Variants in APCDD1 observed in about 807,000 individuals in gnomAD.
APCDD1 encodes the protein protein APCDD1.
APCDD1 carries 15 observed loss-of-function variants against 38.1 expected under a neutral mutation model. That is an observed-to-expected ratio of 0.39 (90% CI 0.26 to 0.61). The LOEUF (loss-of-function observed/expected upper bound fraction) is 0.61, where lower values mean the gene tolerates loss of function less well. Ranked by LOEUF, APCDD1 falls within the 20% of genes least tolerant of loss-of-function variation. APCDD1 has a pLI of 0.49. For synonymous variants in APCDD1, 261 were observed against 279.7 expected, an observed-to-expected ratio of 0.93 and a Z score of 0.67; for missense variants, 647 against 696.2, an observed-to-expected ratio of 0.93 and a Z score of 0.79.
intron 1 of APCDD1, among the ~76,000 whole-genome samples, chr18:10,464,789 C>T (rs1163080503): frequency 6.6e-6 from 1 of 152,204 alleles, no homozygotes; most frequent in Non-Finnish European, 1.5e-5. Flanking sequence ...CTTTGGGCCT[C>T]ACTCTCTTCT....
rs2030322369 is a variant in APCDD1 at position 10,454,782 on chromosome 18, C to G, written c.-200C>G. 2 of 980,442 alleles carry G rather than the reference C, an allele frequency of 2.0e-6. No individual in the cohort carries two copies. The highest frequency in any genetic ancestry group is 2.4e-6 in the Non-Finnish European group (2 of 828,200). 60.7% of individuals were successfully genotyped at this position (980,442 alleles called of 1,614,324 possible). On this transcript the variant is annotated 5_prime_UTR_variant, in exon 1 of 5. Transcript: ENST00000355285. ...GACGCGGACCGGGCCGGGGCGCCCA[C>G]AGCCGCCCGACGGCGCCCAGAGAGC...
chr18:10,475,492 C>T lies in APCDD1; in HGVS notation c.774+3431C>T, dbSNP rs915470671. ...AATAATGAAAGGAGAAGAAGAGGGA[C>T]TCTTTGCAAAGGAATCAGATATTTA... On this transcript the variant is annotated intron_variant, in intron 3 of 4. Transcript: ENST00000355285. The surrounding 1 kb of genome is among the most constrained non-coding windows in gnomAD (Gnocchi z 4.0). Among the ~76,000 whole-genome samples, 11 of 152,148 alleles carry T rather than the reference C, an allele frequency of 7.2e-5. No individual in the cohort carries two copies. Among genetic ancestry groups the T allele is most frequent in the African/African-American group, 2.7e-4 (11 of 41,442 alleles).
chr18:10,475,602 G>T lies in APCDD1; in HGVS notation c.774+3541G>T, dbSNP rs1040764921. ...GACAGAGACTTCACTTTTGGTACCTGTTGCATTTTGTGCTGTGATCTTCTA... is the reference window on the plus strand; with the variant it reads ...GACAGAGACTTCACTTTTGGTACCTTTTGCATTTTGTGCTGTGATCTTCTA... On this transcript the variant is annotated intron_variant, in intron 3 of 4. Coordinates refer to ENST00000355285, the MANE Select transcript of APCDD1 (RefSeq NM_153000.5). The surrounding 1 kb of genome is among the most constrained non-coding windows in gnomAD (Gnocchi z 4.0). 5.3e-5 allele frequency among the ~76,000 whole-genome samples: 8 copies of T among 151,680 alleles called. No individual in the cohort carries two copies. The highest frequency in any genetic ancestry group is 1.7e-4 in the African/African-American group (7 of 41,226).
intron 1 of APCDD1, among the ~76,000 whole-genome samples, chr18:10,466,360 C>T (rs182911040): frequency 3.3e-5 from 5 of 152,274 alleles, no homozygotes; most frequent in East Asian, 1.9e-4. Context: ...GGGATTAAAA[C>T]GTTAGTGTAG....
chr18:10,461,116 G>A (rs929563790), intron 1 of APCDD1, among the ~76,000 whole-genome samples: 1 of 152,046 alleles, frequency 6.6e-6, no homozygotes, highest in African/African-American at 2.4e-5. Flanking sequence ...CAGTCATTTA[G>A]GATTACTATC....
At chr18:10,464,457 C>G (rs541482725) in intron 1 of APCDD1, among the ~76,000 whole-genome samples, 1 of 152,348 alleles carries the variant, frequency 6.6e-6, no homozygotes, top group South Asian at 2.1e-4. Context: ...GGGTCTCACT[C>G]TGTCACCCAG....
At chr18:10,458,492 A>T (rs2030439578) in intron 1 of APCDD1, among the ~76,000 whole-genome samples, 1 of 152,204 alleles carries the variant, frequency 6.6e-6, no homozygotes, top group African/African-American at 2.4e-5. Context: ...TCTTAGTCAT[A>T]AAAAGAAAAT....
chr18:10,483,173 A>G lies in APCDD1; in HGVS notation c.775-2289A>G, dbSNP rs531330270. ...GCGGCCGGGGCTGGCCTTGGCCCCC[A>G]GGAACTGGCCGGAGACATCTTTCCG... is the stretch of plus-strand genomic sequence containing the variant. On this transcript the variant is annotated intron_variant, in intron 3 of 4. Transcript: ENST00000355285. 2.6e-5 allele frequency among the ~76,000 whole-genome samples: 4 copies of G among 152,346 alleles called. No homozygotes were observed. The South Asian group carries it at 8.3e-4, about 32-fold the overall frequency.
In APCDD1 at chr18:10,487,598, A is replaced by G. The variant is rs2031275209; in HGVS notation, c.1105A>G (p.Met369Val). Residue 369 changes from methionine to valine, a missense_variant, in exon 5 of 5, where the codon ATG becomes GTG. Transcript: ENST00000355285. ...TCCTTTCTCCTTTGCAGTGAATCAC[A>G]TGAAGGTCACCCCCATGGATGCGGC... ...GTEFVFKVNHMKVTPMDAATA... is the reference protein window; with the variant it reads ...GTEFVFKVNHVKVTPMDAATA... The G allele has an allele frequency of 1.2e-6, 2 of 1,613,956 alleles. No individual in the cohort carries two copies. The highest frequency in any genetic ancestry group is 1.7e-5 in the Admixed American group (1 of 60,008).
chr18:10,481,842 AAC>A (rs1339708438), intron 3 of APCDD1, among the ~76,000 whole-genome samples: 1 of 151,964 alleles, frequency 6.6e-6, no homozygotes, highest in Non-Finnish European at 1.5e-5. Flanking sequence ...AACAAACAAA[AAC>A]ACAAAAACCG....
intron 3 of APCDD1, among the ~76,000 whole-genome samples, chr18:10,482,249 G>A (rs181361135): frequency 3.9e-5 from 6 of 152,184 alleles, no homozygotes; most frequent in Admixed American, 1.3e-4. Flanking sequence ...TCCTTAGAAT[G>A]ACCAGAAATG....
chr18:10,483,002 A>C (rs2031173695), intron 3 of APCDD1, among the ~76,000 whole-genome samples: 2 of 152,224 alleles, frequency 1.3e-5, no homozygotes, highest in African/African-American at 4.8e-5. Context: ...GTTCACACCA[A>C]GTGGGTGCAC....
intron 3 of APCDD1, among the ~76,000 whole-genome samples, chr18:10,482,383 G>A (rs531763978): frequency 9.2e-5 from 14 of 152,340 alleles, no homozygotes; most frequent in Admixed American, 2.0e-4. Flanking sequence ...TAGGCTTTGG[G>A]GACCTGCCCA....
chr18:10,464,276 A>G (rs2030645608), intron 1 of APCDD1, among the ~76,000 whole-genome samples: 1 of 150,748 alleles, frequency 6.6e-6, no homozygotes, highest in African/African-American at 2.4e-5. Flanking sequence ...GTTCTTTGAC[A>G]TCCAGGCCAG....
At chr18:10,483,172 CA>C (rs1211716723) in intron 3 of APCDD1, among the ~76,000 whole-genome samples, 1 of 152,240 alleles carries the variant, frequency 6.6e-6, no homozygotes, top group Non-Finnish European at 1.5e-5. Flanking sequence ...CCTTGGCCCC[CA>C]GGAACTGGCC....
At chr18:10,480,650 T>C (rs2031112199) in intron 3 of APCDD1, among the ~76,000 whole-genome samples, 1 of 151,842 alleles carries the variant, frequency 6.6e-6, no homozygotes, top group South Asian at 2.1e-4. Flanking sequence ...TGCCCTGAGC[T>C]CAGAAGTTTG....
intron 1 of APCDD1, among the ~76,000 whole-genome samples, chr18:10,459,984 A>G (rs575936945): frequency 6.6e-6 from 1 of 152,350 alleles, no homozygotes; most frequent in Non-Finnish European, 1.5e-5. Flanking sequence ...TTTTGACATT[A>G]TACTTAGTCC....
At chr18:10,460,338 C>A (rs960323194) in intron 1 of APCDD1, among the ~76,000 whole-genome samples, 5 of 152,218 alleles carry the variant, frequency 3.3e-5, no homozygotes, top group African/African-American at 9.6e-5. Flanking sequence ...CCAGCCTGGC[C>A]AACGCGGCGA....
rs959166779 is a variant in APCDD1, at chr18:10,458,610, T to C, written c.58+3571T>C. On this transcript the variant is annotated intron_variant, in intron 1 of 4. Coordinates refer to ENST00000355285, the MANE Select transcript of APCDD1 (RefSeq NM_153000.5). ...AGATTGACAAGCCAATTTCATTCTTTTATACTAGCTGAGTTCATTCTTTTT... is the reference window on the plus strand; with the variant it reads ...AGATTGACAAGCCAATTTCATTCTTCTATACTAGCTGAGTTCATTCTTTTT... 4.6e-5 allele frequency among the ~76,000 whole-genome samples: 7 copies of C among 152,316 alleles called. 1 individual carries two copies. The highest frequency in any genetic ancestry group is 1.9e-4 in the East Asian group (1 of 5,184).
Sources: gnomAD v4.1 joint callset for allele counts (sites outside exome capture counted in the v4.1 genomes callset) on GRCh38, gnomAD v4.1.1 for gene constraint, Gnocchi (gnomAD v3.1) non-coding constraint, MANE v1.5 for transcripts, NCBI Gene and HGNC (gene_info 2026-07-23, HGNC 2026-07-21) for gene names.